ANXA6: variants seen among roughly 807,000 people sequenced by gnomAD.
ANXA6 encodes annexin A6, also known as 67 kDa calelectrin.
Under a neutral mutation model 95.4 loss-of-function variants are expected in ANXA6, and 71 were observed. The observed-to-expected ratio is 0.74, with a 90% CI of 0.61 to 0.91. ANXA6 has a LOEUF of 0.91. Ranked by LOEUF, ANXA6 falls within the 40% of genes least tolerant of loss-of-function variation. ANXA6 has a pLI of 0.00. For missense variants in ANXA6, 830 were observed against 876.4 expected, an observed-to-expected ratio of 0.95 and a Z score of 0.67; for synonymous variants, 289 against 315.9, an observed-to-expected ratio of 0.91 and a Z score of 0.90.
intron 2 of ANXA6, among the ~76,000 whole-genome samples, chr5:151,147,360 T>C (rs957030305): frequency 2.0e-5 from 3 of 152,288 alleles, no homozygotes; most frequent in African/African-American, 7.2e-5. Context: ...TGGGACCAAC[T>C]CCACCTCCTT....
At chr5:151,132,650 G>C in intron 9 of ANXA6, 79 bp from the exon 10 acceptor site, 2 of 1,221,220 alleles carry the variant, frequency 1.6e-6, no homozygotes, top group East Asian at 5.0e-5. Context: ...AAGAGCAGGG[G>C]GGCACAGTGG....
At chr5:151,130,091 C>T (rs1481308775) in intron 11 of ANXA6, among the ~76,000 whole-genome samples, 1 of 152,114 alleles carries the variant, frequency 6.6e-6, no homozygotes, top group African/African-American at 2.4e-5. Flanking sequence ...TAACTCTAAG[C>T]AATACACTTA....
At chr5:151,127,086 C>T (rs1484891363) in intron 13 of ANXA6, among the ~76,000 whole-genome samples, 1 of 152,252 alleles carries the variant, frequency 6.6e-6, no homozygotes, top group Non-Finnish European at 1.5e-5. Context: ...TCCAATCCTT[C>T]AGCCTCCCCT....
intron 10 of ANXA6, 127 bp from the exon 11 acceptor site, chr5:151,131,416 C>T (rs1478021207): frequency 3.2e-6 from 3 of 948,288 alleles, no homozygotes; most frequent in Non-Finnish European, 3.4e-6. Flanking sequence ...ACCACCGTTC[C>T]TGATAGCTCA....
intron 24 of ANXA6, 29 bp downstream of exon 24, chr5:151,105,216 G>C (rs765389685): frequency 2.5e-6 from 4 of 1,606,218 alleles, no homozygotes; most frequent in Non-Finnish European, 3.4e-6. Context: ...AGTGCTTGAA[G>C]GGAAAGGAAC....
rs1299133987 is a variant in ANXA6 at position 151,138,795 on chromosome 5, GC to G, written c.205-5del. ...ACTTTAAATCAGCAATGAGGTCCTG[GC>G]AGGTGGGGAAGAAGAGGAGATAGAA... is the stretch of plus-strand genomic sequence containing the variant. On this transcript the variant is annotated splice_region_variant and splice_polypyrimidine_tract_variant and intron_variant, in intron 4 of 25. Transcript: ENST00000354546. 1 of 1,601,478 alleles carries G rather than the reference GC, an allele frequency of 6.2e-7. No individual in the cohort carries two copies. Among genetic ancestry groups the G allele is most frequent in the Non-Finnish European group, 8.6e-7 (1 of 1,169,036 alleles).
chr5:151,148,452 A>T (rs1282328245), intron 1 of ANXA6, among the ~76,000 whole-genome samples: 3 of 152,218 alleles, frequency 2.0e-5, no homozygotes. Flanking sequence ...GACCGCCTGC[A>T]GATAGGACTC....
rs565712785 is a variant in ANXA6 at position 151,134,478 on chromosome 5, G to C, written c.495C>G (p.Thr165=). Residue 165 remains threonine (T), a synonymous_variant, in exon 8 of 26, where the codon ACC becomes ACG. Coordinates refer to ENST00000354546, the MANE Select transcript of ANXA6 (RefSeq NM_001155.5). ...CGCTCACTACGTCATCCTCCTCCCT[G>C]GTTCCCTGGGCAGAAAGACAAAGAA... ...QKMLVVLLQG[T]REEDDVVSED... is the part of the protein sequence containing the mutation. 20 of 1,613,974 alleles carry C rather than the reference G, an allele frequency of 1.2e-5. No individual in the cohort carries two copies. The Middle Eastern group carries it at 9.9e-4, about 80-fold the overall frequency.
At chr5:151,129,611 A>G (rs1049885636) in intron 11 of ANXA6, 82 bp from the exon 12 acceptor site, 1 of 1,460,068 alleles carries the variant, frequency 6.8e-7, no homozygotes, top group East Asian at 2.5e-5. Flanking sequence ...TGAAAATCCT[A>G]TTTTCATAAT....
chr5:151,126,552 A>C (rs199647538), intron 13 of ANXA6, 72 bp from the exon 14 acceptor site: 10 of 486,360 alleles, frequency 2.1e-5, no homozygotes, highest in Non-Finnish European at 3.4e-5. Flanking sequence ...CAACACACAC[A>C]CACACACACA....
chr5:151,123,112 G>C, intron 15 of ANXA6, 101 bp from the exon 16 acceptor site: 1 of 1,052,942 alleles, frequency 9.5e-7, no homozygotes, highest in Non-Finnish European at 1.4e-6. Flanking sequence ...TGTCAGGGTA[G>C]AAGCCTGGCT....
At chr5:151,118,190 C>A (rs1217306274) in intron 18 of ANXA6, among the ~76,000 whole-genome samples, 2 of 152,110 alleles carry the variant, frequency 1.3e-5, no homozygotes, top group African/African-American at 4.8e-5. Context: ...AAAAGCAGAG[C>A]TCTGACTATG....
At chr5:151,110,580 C>T in intron 21 of ANXA6, 47 bp downstream of exon 21, 1 of 1,608,408 alleles carries the variant, frequency 6.2e-7, no homozygotes, top group Non-Finnish European at 8.5e-7. Flanking sequence ...TAAAGGCGGA[C>T]TTTACTCAGA....
chr5:151,157,548 C>A (rs1766269288), intron 1 of ANXA6, 132 bp downstream of exon 1: 1 of 152,776 alleles, frequency 6.5e-6, no homozygotes, highest in Non-Finnish European at 1.5e-5. Flanking sequence ...CTCGGGTTAC[C>A]GCGCCCTCCC....
chr5:151,104,591 G>A (rs1233779524), intron 24 of ANXA6, among the ~76,000 whole-genome samples: 2 of 152,246 alleles, frequency 1.3e-5, no homozygotes, highest in Non-Finnish European at 2.9e-5. Context: ...GACACATCGT[G>A]AGTGCTCAAT....
chr5:151,121,841 C>T (rs191792543), intron 17 of ANXA6, among the ~76,000 whole-genome samples: 3 of 152,146 alleles, frequency 2.0e-5, no homozygotes, highest in Non-Finnish European at 4.4e-5. Context: ...CGCTAGCTGG[C>T]GGGATGGACA....
intron 5 of ANXA6, among the ~76,000 whole-genome samples, chr5:151,138,440 A>G (rs182967347): frequency 2.0e-5 from 3 of 152,220 alleles, no homozygotes; most frequent in East Asian, 1.9e-4. Flanking sequence ...CCATGTCCCT[A>G]TAACCTGTAT....
chr5:151,132,921 C>T (rs1010316928), intron 9 of ANXA6, among the ~76,000 whole-genome samples, 173 bp downstream of exon 9: 9 of 150,616 alleles, frequency 6.0e-5, no homozygotes, highest in African/African-American at 1.9e-4. Flanking sequence ...CCTTTAAAAA[C>T]GGCAAAAACC....
In ANXA6 at chr5:151,127,465, C is replaced by A. The variant is rs978110350; in HGVS notation, c.977+716G>T. On this transcript the variant is annotated intron_variant, in intron 13 of 25. Transcript: ENST00000354546. ...TCTCTAGTACTCCATAAATGCATGA[C>A]TTCGGACATATGAATGAATCAGGCC... Among the ~76,000 whole-genome samples, 12 of 152,222 alleles carry A rather than the reference C, an allele frequency of 7.9e-5. 2 individuals carry two copies. The highest frequency in any genetic ancestry group is 7.2e-4 in the Admixed American group (11 of 15,288).
Sources: gnomAD v4.1 joint callset for allele counts (sites outside exome capture counted in the v4.1 genomes callset) on GRCh38, gnomAD v4.1.1 for gene constraint, MANE v1.5 for transcripts, NCBI Gene and HGNC (gene_info 2026-07-23, HGNC 2026-07-21) for gene names.